The following RPS6KA3 variants were observed in gnomAD, a reference collection of about 807,000 sequenced individuals.
The protein encoded by RPS6KA3 is ribosomal protein S6 kinase A3.
RPS6KA3 carries 4 observed loss-of-function variants against 67.2 expected under a neutral mutation model. That is an observed-to-expected ratio of 0.06 (90% CI 0.03 to 0.14). The LOEUF (loss-of-function observed/expected upper bound fraction) is 0.14. Ranked by LOEUF, RPS6KA3 falls within the 10% of genes least tolerant of loss-of-function variation. The pLI, the probability that RPS6KA3 is intolerant of heterozygous loss-of-function variation, is 1.00. For missense variants in RPS6KA3, 204 were observed against 559.0 expected (o/e 0.36, Z 6.40); for synonymous variants, 182 against 183.7 (o/e 0.99, Z 0.07).
At chrX:20,245,473 G>T (rs1264089049) in intron 1 of RPS6KA3, among the ~76,000 whole-genome samples, 1 of 111,379 alleles carries the variant, frequency 9.0e-6, no homozygotes, top group African/African-American at 3.3e-5. Context: ...TCAAATAAAA[G>T]AAAAAAATAC....
chrX:20,156,202 A>G lies in RPS6KA3; in HGVS notation c.2007T>C (p.Thr669=). ...AAGGATGTCTGAGCACAAGAGCAGCAGTCAGTCTCTGATGAGGGTCTACAT... is the reference window on the plus strand; with the variant it reads ...AAGGATGTCTGAGCACAAGAGCAGCGGTCAGTCTCTGATGAGGGTCTACAT... ...MLHVDPHQRL[T]AALVLRHPWI... The change falls in exon 21 of 22, where the codon ACT becomes ACC. Residue 669 remains threonine (T), a synonymous_variant. Transcript: ENST00000379565. 1 of 1,209,923 alleles carries G rather than the reference A, an allele frequency of 8.3e-7. No homozygotes were observed. Among genetic ancestry groups the G allele is most frequent in the Non-Finnish European group, 1.1e-6 (1 of 893,553 alleles).
chrX:20,156,302 T>TTTTTTTTTTTTTTTTTTTTTTTGAGACGG, intron 20 of RPS6KA3, 53 bp from the exon 21 acceptor site: 1 of 1,117,643 alleles, frequency 8.9e-7, no homozygotes, highest in African/African-American at 1.8e-5. Context: ...CTTCTTTTTC[T>TTTTTTTTTTTTTTTTTTTTTTTGAGACGG]ATGGCTCTTG....
At chrX:20,216,230 A>T (rs191104102) in intron 2 of RPS6KA3, among the ~76,000 whole-genome samples, 79 of 110,219 alleles carry the variant, frequency 7.2e-4, no homozygotes, top group Non-Finnish European at 1.3e-3. Context: ...TGTGGGCAAA[A>T]TTTTCAGGAT....
chrX:20,192,506 T>C (rs1394306232), intron 7 of RPS6KA3, among the ~76,000 whole-genome samples: 17 of 108,503 alleles, frequency 1.6e-4, no homozygotes, highest in Non-Finnish European at 1.1e-4. Context: ...CAAAAGAAGA[T>C]TGGTAGATCT....
At chrX:20,258,122 G>T (rs2147074612) in intron 1 of RPS6KA3, among the ~76,000 whole-genome samples, 1 of 111,929 alleles carries the variant, frequency 8.9e-6, no homozygotes, top group South Asian at 3.7e-4. Flanking sequence ...CATTCAATTT[G>T]TACTAATCCT....
At chrX:20,179,622 C>T (rs994578122) in intron 10 of RPS6KA3, among the ~76,000 whole-genome samples, 4 of 111,252 alleles carry the variant, frequency 3.6e-5, no homozygotes, top group African/African-American at 6.5e-5. Flanking sequence ...GATACTACCC[C>T]CACTAGGAAG....
chrX:20,193,135 G>T (rs1318624782), intron 7 of RPS6KA3, among the ~76,000 whole-genome samples: 1 of 111,115 alleles, frequency 9.0e-6, no homozygotes, highest in African/African-American at 3.3e-5. Context: ...AAAATTAGCT[G>T]GGTGTGTTGG....
At position 20,195,052 on chromosome X, in the gene RPS6KA3, G is replaced by T; in HGVS notation, c.406+13C>A. The T allele has an allele frequency of 9.0e-7, 1 of 1,110,063 alleles. No homozygotes were observed. Among genetic ancestry groups the T allele is most frequent in the Non-Finnish European group, 1.2e-6 (1 of 803,518 alleles). The allele number at this position is 1,110,063 out of a possible 1,213,427, so 91.5% of individuals were successfully genotyped here. A position where few individuals can be genotyped will look rare whatever the true frequency, so the allele number is the denominator to read the frequency against. On this transcript the variant is annotated intron_variant, in intron 5 of 21. Coordinates refer to ENST00000379565, the MANE Select transcript of RPS6KA3 (RefSeq NM_004586.3). ...GAGGTCAAGGGATGATGTGGGAGAC[G>T]GCTCATACTTACCATAATGCAACTT...
chrX:20,168,115 G>A (rs1358272116), intron 16 of RPS6KA3, among the ~76,000 whole-genome samples: 3 of 112,131 alleles, frequency 2.7e-5, no homozygotes, highest in Non-Finnish European at 5.6e-5. Context: ...AGGCCTTTGG[G>A]CCTATTGAGC....
rs2070388430 is a variant in RPS6KA3 at position 20,266,457 on chromosome X, CGCGA to C, written c.69+103_69+106del. On this transcript the variant is annotated intron_variant, in intron 1 of 21. Transcript: ENST00000379565. ...CAAAACCCTGAGCCCGGGGGAAAGA[CGCGA>C]GCGGGATCAGAACGGGCCGAGTGGC... The C allele has an allele frequency of 9.9e-5, 64 of 648,622 alleles. 1 individual carries two copies. In the South Asian group the frequency reaches 1.4e-3, roughly 14 times the overall value. The allele number at this position is 648,622 out of a possible 1,213,427, so 53.5% of individuals were successfully genotyped here. A position where few individuals can be genotyped will look rare whatever the true frequency, so the allele number is the denominator to read the frequency against.
intron 2 of RPS6KA3, among the ~76,000 whole-genome samples, chrX:20,211,278 A>G (rs999416896): frequency 7.2e-5 from 8 of 111,753 alleles, no homozygotes; most frequent in African/African-American, 2.3e-4. Context: ...CACATACTCT[A>G]AAAACAAACT....
At chrX:20,155,710 T>C (rs1213686629) in intron 21 of RPS6KA3, among the ~76,000 whole-genome samples, 190 bp from the exon 22 acceptor site, 6 of 112,025 alleles carry the variant, frequency 5.4e-5, no homozygotes, top group African/African-American at 1.9e-4. Context: ...GTTAAAATTA[T>C]GTATGAGAGA....
At chrX:20,244,865 T>C (rs1180831344) in intron 1 of RPS6KA3, among the ~76,000 whole-genome samples, 2 of 112,363 alleles carry the variant, frequency 1.8e-5, no homozygotes, top group East Asian at 2.8e-4. Context: ...TTTTCTATCA[T>C]TGATCAGATA....
chrX:20,210,232 G>C (rs1158105570), intron 2 of RPS6KA3, among the ~76,000 whole-genome samples: 4 of 111,816 alleles, frequency 3.6e-5, no homozygotes, highest in Non-Finnish European at 7.5e-5. Context: ...AGCAGATTAG[G>C]TTATCTTATT....
intron 4 of RPS6KA3, among the ~76,000 whole-genome samples, chrX:20,202,569 T>C (rs1164050576): frequency 3.6e-5 from 4 of 111,541 alleles, no homozygotes; most frequent in Non-Finnish European, 5.6e-5. Flanking sequence ...TGTTAAGTTT[T>C]AAGGAAAATG....
At chrX:20,170,931 C>T (rs1443910004) in intron 15 of RPS6KA3, among the ~76,000 whole-genome samples, 3 of 109,676 alleles carry the variant, frequency 2.7e-5, no homozygotes, top group Admixed American at 9.8e-5. Context: ...CATGTAGCCA[C>T]GCCTGGCTAA....
chrX:20,266,412 C>T (rs763472502), intron 1 of RPS6KA3, 152 bp downstream of exon 1: 1 of 460,973 alleles, frequency 2.2e-6, no homozygotes, highest in South Asian at 2.8e-5. Context: ...GGCCAATAGA[C>T]CCACCCCAAC....
chrX:20,224,396 C>T (rs1569249256), intron 2 of RPS6KA3, among the ~76,000 whole-genome samples: 1 of 110,316 alleles, frequency 9.1e-6, no homozygotes, highest in Non-Finnish European at 1.9e-5. Context: ...GGCAAAACCC[C>T]AACCATGATA....
chrX:20,179,825 T>C (rs1272888326), intron 10 of RPS6KA3, among the ~76,000 whole-genome samples: 1 of 111,409 alleles, frequency 9.0e-6, no homozygotes, highest in East Asian at 2.8e-4. Flanking sequence ...GCATAGTGGC[T>C]CATGCCTGTA....
Sources: allele counts gnomAD v4.1 joint callset (sites outside exome capture counted in the v4.1 genomes callset), GRCh38; gene constraint gnomAD v4.1.1; transcripts MANE v1.5; gene names NCBI Gene and HGNC (gene_info 2026-07-23, HGNC 2026-07-21).